IRS2: variants seen among roughly 807,000 people sequenced by gnomAD.
IRS2 encodes the protein insulin receptor substrate 2.
IRS2 carries 28 observed loss-of-function variants against 70.9 expected under a neutral mutation model. The observed-to-expected ratio is 0.39, with a 90% CI of 0.29 to 0.54. IRS2 has a LOEUF of 0.54. IRS2 is among the 20% of genes least tolerant of loss of function. The probability of loss-of-function intolerance (pLI) is 0.59; values close to 1 mark genes in which losing one functional copy is unlikely to be tolerated. For missense variants in IRS2, 2,081 were observed against 2,024.1 expected, an observed-to-expected ratio of 1.03 and a Z score of -0.54; for synonymous variants, 1,217 against 981.9, an observed-to-expected ratio of 1.24 and a Z score of -4.48.
At chr13:109,763,252 CTAAT>C (rs1243496319) in intron 1 of IRS2, among the ~76,000 whole-genome samples, 4 of 152,206 alleles carry the variant, frequency 2.6e-5, no homozygotes, top group African/African-American at 4.8e-5. Flanking sequence ...TACTGGGAAA[CTAAT>C]TGATATCCCT....
At position 109,755,214 on chromosome 13, in the gene IRS2, C is replaced by CTTTTTTTTTTTTTTCTT. The variant is rs375324802; in HGVS notation, c.*1089_*1090insAAGAAAAAAAAAAAAAA. 1 of 194,038 alleles carries CTTTTTTTTTTTTTTCTT rather than the reference C, an allele frequency of 5.2e-6. No individual in the cohort carries two copies. The allele number at this position is 194,038 out of a possible 1,614,324, so 12.0% of individuals were successfully genotyped here. The stretch of plus-strand genomic sequence containing the variant: ...CTCTTTTTATCAGTTTCTTTCTTTC[C>CTTTTTTTTTTTTTTCTT]TTTTTTTTTTTTCTTTTTGTTTTTT... On this transcript the variant is annotated 3_prime_UTR_variant, in exon 2 of 2. Coordinates refer to ENST00000375856, the MANE Select transcript of IRS2 (RefSeq NM_003749.3).
chr13:109,785,856 C>G lies in IRS2; in HGVS notation c.198G>C (p.Ser66=), dbSNP rs2138939412. 1 of 1,515,944 alleles carries G rather than the reference C, an allele frequency of 6.6e-7. No individual in the cohort carries two copies. The highest frequency in any genetic ancestry group is 1.2e-5 in the South Asian group (1 of 82,514). The allele number at this position is 1,515,944 out of a possible 1,614,324, so 93.9% of individuals were successfully genotyped here. ...GGDEATAGGG[S]APQPPRLEYY... ...ACTCGAGCCGCGGCGGTTGCGGCGC[C>G]GACCCCCCGCCCGCCGTCGCCTCGT... Residue 66 remains serine, a synonymous_variant, in exon 1 of 2, where the codon TCG becomes TCC. Coordinates refer to ENST00000375856, the MANE Select transcript of IRS2 (RefSeq NM_003749.3). The surrounding 1 kb of genome is among the most constrained non-coding windows in gnomAD (Gnocchi z 9.3).
intron 1 of IRS2, among the ~76,000 whole-genome samples, chr13:109,758,080 A>C (rs1224286238): frequency 6.6e-6 from 1 of 152,260 alleles, no homozygotes; most frequent in Non-Finnish European, 1.5e-5. Context: ...CTTCCTAAGG[A>C]AAGATCTGTC....
chr13:109,783,777 C>A lies in IRS2; in HGVS notation c.2277G>T (p.Lys759Asn). ...TGAGGTAGTCCCCGTTGGGCAGCAG[C>A]TTGCCATCTGCATGCTCCATGGACA... ...SKLSMEHADG[K>N]LLPNGDYLNV... is the part of the protein sequence containing the mutation. Residue 759 changes from lysine (K) to asparagine (N), a missense_variant, in exon 1 of 2, where the codon AAG becomes AAT. This residue lies in a region of IRS2 where 1,615 missense variants were observed against 1,459.5 expected (regional missense o/e 1.11). Coordinates refer to ENST00000375856, the MANE Select transcript of IRS2 (RefSeq NM_003749.3). The A allele has an allele frequency of 6.3e-7, 1 of 1,597,576 alleles. No individual in the cohort carries two copies. The highest frequency in any genetic ancestry group is 8.5e-7 in the Non-Finnish European group (1 of 1,172,588).
chr13:109,774,666 G>A (rs886333314), intron 1 of IRS2, among the ~76,000 whole-genome samples: 32 of 152,070 alleles, frequency 2.1e-4, no homozygotes, highest in African/African-American at 7.7e-4. Context: ...TTCTCCTTTT[G>A]GCTCAGAGAT....
At position 109,784,832 on chromosome 13, in the gene IRS2, C is replaced by A; in HGVS notation, c.1222G>T (p.Gly408Cys). The change falls in exon 1 of 2, where the codon GGC (glycine) becomes TGC (cysteine). Residue 408 changes from glycine (G) to cysteine (C), a missense_variant. Coordinates refer to ENST00000375856, the MANE Select transcript of IRS2 (RefSeq NM_003749.3). The surrounding 1 kb of genome is among the most constrained non-coding windows in gnomAD (Gnocchi z 5.2). ...PLSRSHTLSG[G>C]CGGRGSKVAL... ...ACCTTGCTCCCGCGGCCGCCGCAGC[C>A]GCCGCTCAGGGTGTGCGAGCGGCTC... 1 of 1,253,844 alleles carries A rather than the reference C, an allele frequency of 8.0e-7. No homozygotes were observed. The highest frequency in any genetic ancestry group is 1.0e-6 in the Non-Finnish European group (1 of 990,008). The allele number at this position is 1,253,844 out of a possible 1,614,324, so 77.7% of individuals were successfully genotyped here.
At chr13:109,759,086 C>T (rs1238219473) in intron 1 of IRS2, among the ~76,000 whole-genome samples, 3 of 152,190 alleles carry the variant, frequency 2.0e-5, no homozygotes, top group African/African-American at 7.2e-5. Flanking sequence ...GGGGTGTCAG[C>T]TGTGCAGCGT....
Position 109,782,125 on chromosome 13 carries a change from C to T in IRS2, c.3929G>A (p.Gly1310Asp), listed in dbSNP as rs764630847. The T allele has an allele frequency of 1.2e-6, 2 of 1,608,752 alleles. No individual in the cohort carries two copies. Among genetic ancestry groups the T allele is most frequent in the Admixed American group, 1.7e-5 (1 of 59,668 alleles). ...GTTGGCAGGGGGCAGGGCACCGGGA[C>T]CCGGCCCCCCGCACCCGCCGCCGGT... ...GSTGGGCGGP[G>D]PGALPPANTY... is the part of the protein sequence containing the mutation. The change falls in exon 1 of 2, where the codon GGT becomes GAT. Residue 1310 changes from glycine (G) to aspartate (D), a missense_variant. Physicochemically the swap from Gly to Asp is moderately conservative, Grantham distance 94. Transcript: ENST00000375856.
chr13:109,768,838 C>T (rs1877391904), intron 1 of IRS2, among the ~76,000 whole-genome samples: 1 of 152,186 alleles, frequency 6.6e-6, no homozygotes, highest in Non-Finnish European at 1.5e-5. Context: ...AGGAGCCAGG[C>T]TCAACGGCGG....
At chr13:109,764,295 C>A (rs556637414) in intron 1 of IRS2, among the ~76,000 whole-genome samples, 1 of 152,152 alleles carries the variant, frequency 6.6e-6, no homozygotes, top group Admixed American at 6.5e-5. Flanking sequence ...ACACCAGAGC[C>A]GGGTCCCCAG....
chr13:109,774,847 A>T (rs145173464), intron 1 of IRS2, among the ~76,000 whole-genome samples: 44 of 152,324 alleles, frequency 2.9e-4, no homozygotes, highest in Non-Finnish European at 4.9e-4. Flanking sequence ...AATTTTACAC[A>T]ACTCTTTTAA....
Position 109,785,594 on chromosome 13 carries a change from G to GCGCGTCTCCGGCGGC in IRS2, c.445_459dup (p.Ala149_Ala153dup), listed in dbSNP as rs1175837226. On this transcript the variant is annotated inframe_insertion, in exon 1 of 2. Transcript: ENST00000375856. This position sits in a 1 kb window ranked among gnomAD's most constrained non-coding sequence, Gnocchi z 9.3. ...GACGCGGCGGGCGCGGCGGCGGGGG[G>GCGCGTCTCCGGCGGC]CGCGTCTCCGGCGGCCGCGCGGCCC... 1 of 1,348,416 alleles carries GCGCGTCTCCGGCGGC rather than the reference G, an allele frequency of 7.4e-7. No individual in the cohort carries two copies. Among genetic ancestry groups the GCGCGTCTCCGGCGGC allele is most frequent in the Non-Finnish European group, 9.6e-7 (1 of 1,046,778 alleles). The allele number at this position is 1,348,416 out of a possible 1,614,324, so 83.5% of individuals were successfully genotyped here.
At chr13:109,756,656 G>A (rs1228552858) in intron 1 of IRS2, among the ~76,000 whole-genome samples, 1 of 152,216 alleles carries the variant, frequency 6.6e-6, no homozygotes, top group Admixed American at 6.5e-5. Context: ...GTGTCTGTGT[G>A]ATGGAATGAC....
Position 109,754,480 on chromosome 13 carries a change from C to T in IRS2, c.*1824G>A, listed in dbSNP as rs1877060771. Reference sequence around the variant, plus strand: ...GGGGGGAGTTACAAAGCAAATACCACCCATTGATGCCTATTCCCAAAACTA... The same window carrying T: ...GGGGGGAGTTACAAAGCAAATACCATCCATTGATGCCTATTCCCAAAACTA... On this transcript the variant is annotated 3_prime_UTR_variant, in exon 2 of 2. Coordinates refer to ENST00000375856, the MANE Select transcript of IRS2 (RefSeq NM_003749.3). The T allele has an allele frequency of 9.9e-6, 2 of 201,274 alleles. No homozygotes were observed. The highest frequency in any genetic ancestry group is 4.7e-5 in the African/African-American group (2 of 42,342). The allele number at this position is 201,274 out of a possible 1,614,324, so 12.5% of individuals were successfully genotyped here.
Position 109,784,537 on chromosome 13 carries a change from C to A in IRS2, c.1517G>T (p.Ser506Ile). The change falls in exon 1 of 2, where the codon AGC becomes ATC. Residue 506 changes from serine (S) to isoleucine (I), a missense_variant. Around this residue, in one of 4 missense-constraint regions of IRS2, gnomAD observed 1,615 missense variants for 1,459.5 expected, o/e 1.11. Coordinates refer to ENST00000375856, the MANE Select transcript of IRS2 (RefSeq NM_003749.3). The surrounding 1 kb of genome is among the most constrained non-coding windows in gnomAD (Gnocchi z 5.2). ...GCAGAAGGCGCGCAGGTCGCCTGGG[C>A]TGGAGCCGTACTCGTCCAGGGACAT... Reference protein sequence around the residue: ...GFMSLDEYGSSPGDLRAFCSH... With the variant: ...GFMSLDEYGSIPGDLRAFCSH... The A allele has an allele frequency of 1.3e-6, 2 of 1,513,816 alleles. No individual in the cohort carries two copies. The highest frequency in any genetic ancestry group is 1.3e-5 in the South Asian group (1 of 79,676). 93.8% of individuals were successfully genotyped at this position (1,513,816 alleles called of 1,614,324 possible). A position where few individuals can be genotyped will look rare whatever the true frequency, so the allele number is the denominator to read the frequency against.
chr13:109,785,848 T>C lies in IRS2; in HGVS notation c.206A>G (p.Gln69Arg). The C allele has an allele frequency of 6.6e-7, 1 of 1,524,514 alleles. No individual in the cohort carries two copies. The highest frequency in any genetic ancestry group is 8.8e-7 in the Non-Finnish European group (1 of 1,141,350). The allele number at this position is 1,524,514 out of a possible 1,614,324, so 94.4% of individuals were successfully genotyped here. A position where few individuals can be genotyped will look rare whatever the true frequency, so the allele number is the denominator to read the frequency against. ...EATAGGGSAP[Q>R]PPRLEYYESE... The stretch of plus-strand genomic sequence containing the variant: ...CTCGTAGTACTCGAGCCGCGGCGGT[T>C]GCGGCGCCGACCCCCCGCCCGCCGT... The change falls in exon 1 of 2, where the codon CAA becomes CGA. Residue 69 changes from glutamine (Q) to arginine (R), a missense_variant. Gln to Arg is a conservative substitution (Grantham distance 43). Around this residue, in one of 4 missense-constraint regions of IRS2, gnomAD observed 320 missense variants for 352.9 expected, o/e 0.91. Transcript: ENST00000375856. The surrounding 1 kb of genome is among the most constrained non-coding windows in gnomAD (Gnocchi z 9.3).
In IRS2 at chr13:109,785,244, C is replaced by T. The variant is rs1415858210; in HGVS notation, c.810G>A (p.Leu270=). The change falls in exon 1 of 2, where the codon CTG becomes CTA. Residue 270 remains leucine (L), a synonymous_variant. Coordinates refer to ENST00000375856, the MANE Select transcript of IRS2 (RefSeq NM_003749.3). The surrounding 1 kb of genome is among the most constrained non-coding windows in gnomAD (Gnocchi z 9.3). ...CCACCGAGTCGTCCGCCTGCATCCACAGCTCGCCGGGGCCTGTGACGGCCG... is the reference window on the plus strand; with the variant it reads ...CCACCGAGTCGTCCGCCTGCATCCATAGCTCGCCGGGGCCTGTGACGGCCG... ...GRSAVTGPGE[L]WMQADDSVVA... 1 of 1,607,214 alleles carries T rather than the reference C, an allele frequency of 6.2e-7. No homozygotes were observed. Among genetic ancestry groups the T allele is most frequent in the Admixed American group, 1.7e-5 (1 of 59,554 alleles).
chr13:109,782,365 C>T lies in IRS2; in HGVS notation c.3689G>A (p.Gly1230Asp), dbSNP rs2138929532. 1.2e-6 allele frequency: 2 copies of T among 1,611,606 alleles called. No homozygotes were observed. Among genetic ancestry groups the T allele is most frequent in the South Asian group, 2.2e-5 (2 of 91,064 alleles). Reference protein sequence around the residue: ...WTPGQPGGLVGCPGSGGSPMR... With the variant: ...WTPGQPGGLVDCPGSGGSPMR... ...GGGCGATCCACCGCTCCCAGGACAA[C>T]CGACCAAGCCCCCGGGCTGACCCGG... is the stretch of plus-strand genomic sequence containing the variant. Residue 1230 changes from glycine (G) to aspartate (D), a missense_variant, in exon 1 of 2, where the codon GGT (glycine) becomes GAT (aspartate). Gly to Asp is a moderately conservative substitution (Grantham distance 94). Transcript: ENST00000375856.
chr13:109,785,586 G>A lies in IRS2; in HGVS notation c.468C>T (p.Ala156=), dbSNP rs1271492221. ...GRAAAGDAPP[A]AAPAASCSAS... Reference sequence around the variant, plus strand: ...CGCTGCAGGACGCGGCGGGCGCGGCGGCGGGGGGCGCGTCTCCGGCGGCCG... The same window carrying A: ...CGCTGCAGGACGCGGCGGGCGCGGCAGCGGGGGGCGCGTCTCCGGCGGCCG... The change falls in exon 1 of 2, where the codon GCC becomes GCT. Residue 156 remains alanine (A), a synonymous_variant. Coordinates refer to ENST00000375856, the MANE Select transcript of IRS2 (RefSeq NM_003749.3). This position sits in a 1 kb window ranked among gnomAD's most constrained non-coding sequence, Gnocchi z 9.3. 4 of 1,327,914 alleles carry A rather than the reference G, an allele frequency of 3.0e-6. No individual in the cohort carries two copies. The highest frequency in any genetic ancestry group is 3.8e-6 in the Non-Finnish European group (4 of 1,039,620). 82.3% of individuals were successfully genotyped at this position (1,327,914 alleles called of 1,614,324 possible).
Sources: allele counts gnomAD v4.1 joint callset (sites outside exome capture counted in the v4.1 genomes callset), GRCh38; gene constraint gnomAD v4.1.1; regional missense constraint gnomAD v4.1.1; non-coding constraint Gnocchi (gnomAD v3.1); transcripts MANE v1.5; gene names NCBI Gene and HGNC (gene_info 2026-07-23, HGNC 2026-07-21).